The following MDGA2 variants were observed in gnomAD, a reference collection of about 807,000 sequenced individuals.
MDGA2 encodes MAM domain containing glycosylphosphatidylinositol anchor 2, also known as MAM domain-containing glycosylphosphatidylinositol anchor protein 2.
Under a neutral mutation model 117.8 loss-of-function variants are expected in MDGA2, and 40 were observed. The observed-to-expected ratio is 0.34, with a 90% CI of 0.26 to 0.44. The LOEUF is 0.44. MDGA2 is among the 20% of genes least tolerant of loss of function. The pLI is 1.00. For missense variants in MDGA2, 1,123 were observed against 1,250.6 expected, an observed-to-expected ratio of 0.90 and a Z score of 1.54; for synonymous variants, 452 against 439.0, an observed-to-expected ratio of 1.03 and a Z score of -0.37.
chr14:47,394,707 A>C (rs961363872), intron 1 of MDGA2, among the ~76,000 whole-genome samples: 13 of 152,184 alleles, frequency 8.5e-5, no homozygotes, highest in Non-Finnish European at 1.9e-4. Flanking sequence ...AACTATTAAA[A>C]TGTGTGGATT....
intron 4 of MDGA2, among the ~76,000 whole-genome samples, chr14:47,138,653 A>G (rs1882571453): frequency 6.6e-6 from 1 of 152,104 alleles, no homozygotes; most frequent in South Asian, 2.1e-4. Context: ...CTCAAGCCGT[A>G]TTTCCATATT....
chr14:47,284,982 A>G (rs1888623976), intron 2 of MDGA2, among the ~76,000 whole-genome samples: 1 of 152,218 alleles, frequency 6.6e-6, no homozygotes, highest in Non-Finnish European at 1.5e-5. Context: ...ACTGCTAAAC[A>G]TAATGTTACA....
chr14:46,896,322 AG>A (rs1415417103), intron 10 of MDGA2, among the ~76,000 whole-genome samples: 1 of 152,186 alleles, frequency 6.6e-6, no homozygotes, highest in Non-Finnish European at 1.5e-5. Context: ...TAAGAAAAAC[AG>A]GCAATGCTTC....
intron 3 of MDGA2, among the ~76,000 whole-genome samples, chr14:47,217,633 A>G (rs1215065393): frequency 6.6e-6 from 1 of 152,038 alleles, no homozygotes; most frequent in East Asian, 1.9e-4. Context: ...ATTCACATGT[A>G]GGTAAAAAAA....
chr14:47,667,042 G>A (rs961830026), intron 1 of MDGA2, among the ~76,000 whole-genome samples: 9 of 152,180 alleles, frequency 5.9e-5, no homozygotes, highest in African/African-American at 1.7e-4. Context: ...TTTAAGAACT[G>A]TAACATCACC....
rs527564770 is a variant in MDGA2 at position 46,856,343 on chromosome 14, T to C, written c.2753-1189A>G. On this transcript the variant is annotated intron_variant, in intron 14 of 16. Coordinates refer to ENST00000399232, the MANE Select transcript of MDGA2 (RefSeq NM_001113498.3). ...AATAGTTTTAGACTAATGTCTACTA[T>C]AATGTTAGTACTTGATCAAGATAAA... Among the ~76,000 whole-genome samples, 196 of 152,230 alleles carry C rather than the reference T, an allele frequency of 1.3e-3. 2 individuals are homozygous for C. The highest frequency in any genetic ancestry group is 4.5e-3 in the African/African-American group (187 of 41,574).
chr14:47,398,959 G>A (rs1393396193), intron 1 of MDGA2, among the ~76,000 whole-genome samples: 6 of 152,142 alleles, frequency 3.9e-5, no homozygotes, highest in African/African-American at 7.2e-5. Context: ...TGTACCCTGT[G>A]TACTCAATAA....
chr14:47,286,061 G>C (rs1280966870), intron 2 of MDGA2, among the ~76,000 whole-genome samples: 1 of 151,850 alleles, frequency 6.6e-6, no homozygotes, highest in Admixed American at 6.6e-5. Context: ...CATTGTGTGT[G>C]TGATATATAT....
At chr14:46,959,561 T>A (rs530851038) in intron 8 of MDGA2, among the ~76,000 whole-genome samples, 2 of 152,230 alleles carry the variant, frequency 1.3e-5, no homozygotes, top group South Asian at 4.1e-4. Context: ...TAGCACTTTA[T>A]TCATTGACAT....
intron 1 of MDGA2, among the ~76,000 whole-genome samples, chr14:47,387,342 C>CT (rs1216764437): frequency 7.1e-6 from 1 of 141,720 alleles, no homozygotes; most frequent in African/African-American, 2.5e-5. Context: ...ACCCCTCTAT[C>CT]TTTTAGAGGG....
chr14:46,873,932 TAATA>T, intron 13 of MDGA2, 109 bp downstream of exon 13: 1 of 983,110 alleles, frequency 1.0e-6, no homozygotes, highest in Non-Finnish European at 1.4e-6. Flanking sequence ...ACAGAAAATT[TAATA>T]TTTTATTCCA....
chr14:46,896,922 G>C (rs1187475159), intron 10 of MDGA2, among the ~76,000 whole-genome samples: 1 of 152,174 alleles, frequency 6.6e-6, no homozygotes, highest in Non-Finnish European at 1.5e-5. Flanking sequence ...CCTGGCCAAT[G>C]ACATGTAAGT....
At chr14:46,940,305 T>A (rs1440385299) in intron 9 of MDGA2, among the ~76,000 whole-genome samples, 1 of 152,108 alleles carries the variant, frequency 6.6e-6, no homozygotes, top group African/African-American at 2.4e-5. Context: ...ATGTATTTAG[T>A]CTTGACTAAA....
At chr14:47,327,992 T>C (rs148124687) in intron 1 of MDGA2, among the ~76,000 whole-genome samples, 36 of 152,316 alleles carry the variant, frequency 2.4e-4, no homozygotes, top group African/African-American at 7.7e-4. Context: ...CGTAGAGTAA[T>C]GTACTCTTAC....
chr14:47,119,178 C>G (rs771109000), intron 5 of MDGA2, among the ~76,000 whole-genome samples: 24,900 of 61,826 alleles, frequency 0.4, 9,063 homozygotes, highest in Non-Finnish European at 0.58. Flanking sequence ...AGCCCCGCCC[C>G]CCCCCCCCCA....
chr14:46,872,668 C>G (rs977305609), intron 14 of MDGA2, among the ~76,000 whole-genome samples: 2 of 151,924 alleles, frequency 1.3e-5, no homozygotes, highest in Non-Finnish European at 2.9e-5. Context: ...AGAGACTATA[C>G]ATAGGTTCAT....
chr14:46,935,152 G>T lies in MDGA2; in HGVS notation c.2090-14992C>A, dbSNP rs1884732707. ...CACAGATATTATCAGGAGTGCAGAAGAAATTCCACGGATGTTATTTAATGA... is the reference window on the plus strand; with the variant it reads ...CACAGATATTATCAGGAGTGCAGAATAAATTCCACGGATGTTATTTAATGA... On this transcript the variant is annotated intron_variant, in intron 9 of 16. Transcript: ENST00000399232. Among the ~76,000 whole-genome samples, 7 of 152,242 alleles carry T rather than the reference G, an allele frequency of 4.6e-5. No individual in the cohort carries two copies. The South Asian group carries it at 1.5e-3, about 32-fold the overall frequency.
chr14:47,560,691 G>A (rs1895782629), intron 1 of MDGA2, among the ~76,000 whole-genome samples: 1 of 152,128 alleles, frequency 6.6e-6, no homozygotes, highest in Non-Finnish European at 1.5e-5. Flanking sequence ...CTTTTGCTGT[G>A]CAGAAGCTCT....
At chr14:47,554,553 T>A (rs894494705) in intron 1 of MDGA2, among the ~76,000 whole-genome samples, 3 of 152,204 alleles carry the variant, frequency 2.0e-5, no homozygotes, top group East Asian at 1.9e-4. Flanking sequence ...GTACATTTTT[T>A]AATAAATCTG....
Sources: allele counts gnomAD v4.1 joint callset (sites outside exome capture counted in the v4.1 genomes callset), GRCh38; gene constraint gnomAD v4.1.1; transcripts MANE v1.5; gene names NCBI Gene and HGNC (gene_info 2026-07-23, HGNC 2026-07-21).